The following ZNF630 variants were observed in gnomAD, a reference collection of about 807,000 sequenced individuals.
ZNF630 encodes zinc finger protein 630.
In ZNF630, 5 loss-of-function variants were observed where a neutral mutation model predicts 7.2. The observed-to-expected ratio is 0.70, with a 90% CI of 0.36 to 1.46. The LOEUF (loss-of-function observed/expected upper bound fraction) is 1.46. Among genes scored for constraint, ZNF630 ranks in the 40% most tolerant of loss-of-function variants. ZNF630 has a pLI of 0.03. For synonymous variants in ZNF630, 158 were observed against 162.8 expected (o/e 0.97, Z 0.23); for missense variants, 461 against 477.0 (o/e 0.97, Z 0.31).
chrX:48,061,730 C>T (rs1409265441), intron 2 of ZNF630: 9 of 319,926 alleles, frequency 2.8e-5, no homozygotes, highest in Middle Eastern at 9.6e-4. Context: ...GTATTATAAG[C>T]GTCTGGCATT....
In ZNF630 at chrX:48,060,912, A is replaced by G; in HGVS notation, c.49T>C (p.Phe17Leu). 8.3e-7 allele frequency: 1 copy of G among 1,205,372 alleles called. No individual in the cohort carries two copies. Among genetic ancestry groups the G allele is most frequent in the Non-Finnish European group, 1.1e-6 (1 of 891,232 alleles). Reference protein sequence around the residue: ...PVTFEDVAVDFTQEEWQQLNP... With the variant: ...PVTFEDVAVDLTQEEWQQLNP... Reference sequence around the variant, plus strand: ...AACTGCTGCCACTCTTCCTGCGTGAAGTCCACAGCCACATCCTCAAATGTC... The same window carrying G: ...AACTGCTGCCACTCTTCCTGCGTGAGGTCCACAGCCACATCCTCAAATGTC... Residue 17 changes from phenylalanine to leucine, a missense_variant, in exon 3 of 5, where the codon TTC becomes CTC. Physicochemically the swap from Phe to Leu is conservative, Grantham distance 22 (BLOSUM62 0). Coordinates refer to ENST00000276054, the MANE Select transcript of ZNF630 (RefSeq NM_001282201.2).
intron 1 of ZNF630, among the ~76,000 whole-genome samples, chrX:48,067,819 T>C (rs990536254): frequency 2.7e-5 from 3 of 110,659 alleles, no homozygotes; most frequent in Admixed American, 9.6e-5. Context: ...CCCAGCACTT[T>C]GGGAGGCTGA....
At position 48,059,090 on chromosome X, in the gene ZNF630, C is replaced by G. The variant is rs782365844; in HGVS notation, c.1352G>C (p.Arg451Thr). Residue 451 changes from arginine to threonine, a missense_variant, in exon 5 of 5, where the codon AGA becomes ACA. Coordinates refer to ENST00000276054, the MANE Select transcript of ZNF630 (RefSeq NM_001282201.2). Reference sequence around the variant, plus strand: ...ATAAGGTTTTTCTCCTGTATGAATTCTTTGATGTCCTATGAGGTGGGACTG... The same window carrying G: ...ATAAGGTTTTTCTCCTGTATGAATTGTTTGATGTCCTATGAGGTGGGACTG... ...CQQSHLIGHQ[R>T]IHTGEKPYVC... 2 of 1,206,823 alleles carry G rather than the reference C, an allele frequency of 1.7e-6. No homozygotes were observed. Among genetic ancestry groups the G allele is most frequent in the Non-Finnish European group, 2.2e-6 (2 of 892,999 alleles).
At chrX:48,064,405 T>C (rs2059120521) in intron 2 of ZNF630, among the ~76,000 whole-genome samples, 1 of 111,977 alleles carries the variant, frequency 8.9e-6, no homozygotes, top group Non-Finnish European at 1.9e-5. Context: ...TAGCAAACTA[T>C]AGCCTGCAGG....
intron 2 of ZNF630, chrX:48,061,927 G>A (rs1023634747): frequency 1.3e-5 from 2 of 155,126 alleles, no homozygotes; most frequent in Admixed American, 8.0e-5. Context: ...AGACTAATAC[G>A]ATGGTCAAGG....
Position 48,058,131 on chromosome X carries a change from G to T in ZNF630, c.*337C>A, listed in dbSNP as rs1280371270. Reference sequence around the variant, plus strand: ...AAAAAATAGAGAAAGATGACAAAGAGATACCCTTCAAATAATGCACCATGC... The same window carrying T: ...AAAAAATAGAGAAAGATGACAAAGATATACCCTTCAAATAATGCACCATGC... On this transcript the variant is annotated 3_prime_UTR_variant, in exon 5 of 5. Coordinates refer to ENST00000276054, the MANE Select transcript of ZNF630 (RefSeq NM_001282201.2). 5.6e-6 allele frequency: 1 copy of T among 179,793 alleles called. No individual in the cohort carries two copies. Among genetic ancestry groups the T allele is most frequent in the African/African-American group, 3.0e-5 (1 of 33,125 alleles). The allele number at this position is 179,793 out of a possible 1,213,427, so 14.8% of individuals were successfully genotyped here.
chrX:48,068,637 AT>A (rs369348112), intron 1 of ZNF630, among the ~76,000 whole-genome samples: 2 of 108,364 alleles, frequency 1.8e-5, no homozygotes, highest in Non-Finnish European at 1.9e-5. Context: ...TCATGGCTGT[AT>A]TTTTTTTTTA....
At position 48,058,927 on chromosome X, in the gene ZNF630, G is replaced by T. The variant is rs1556908370; in HGVS notation, c.1515C>A (p.His505Gln). 1.7e-6 allele frequency: 2 copies of T among 1,207,724 alleles called. No individual in the cohort carries two copies. The highest frequency in any genetic ancestry group is 2.2e-5 in the Admixed American group (1 of 45,858). ...SFSQKSPLIIHQRIHTGEKPY... is the reference protein window; with the variant it reads ...SFSQKSPLIIQQRIHTGEKPY... ...GTTTCTCCCCTGTATGAATTCTCTG[G>T]TGTATGATAAGAGGTGATTTCTGAG... is the stretch of plus-strand genomic sequence containing the variant. Residue 505 changes from histidine (H) to glutamine (Q), a missense_variant, in exon 5 of 5, where the codon CAC (histidine) becomes CAA (glutamine). By Grantham distance (24) the His-to-Gln change is conservative. Coordinates refer to ENST00000276054, the MANE Select transcript of ZNF630 (RefSeq NM_001282201.2).
intron 2 of ZNF630, among the ~76,000 whole-genome samples, chrX:48,063,260 C>T (rs2059115467): frequency 1.1e-5 from 1 of 92,995 alleles, no homozygotes; most frequent in African/African-American, 4.1e-5. Context: ...AAATCACTAC[C>T]TGGCCAAAAA....
At position 48,057,948 on chromosome X, in the gene ZNF630, C is replaced by T. The variant is rs953999646; in HGVS notation, c.*520G>A. Reference sequence around the variant, plus strand: ...GTGCATGCCTATAATCCCAGCTACTCGAGAGGGCGAGGCAGGACAATCGCT... The same window carrying T: ...GTGCATGCCTATAATCCCAGCTACTTGAGAGGGCGAGGCAGGACAATCGCT... On this transcript the variant is annotated 3_prime_UTR_variant, in exon 5 of 5. Coordinates refer to ENST00000276054, the MANE Select transcript of ZNF630 (RefSeq NM_001282201.2). Among the ~76,000 whole-genome samples, 6 of 110,013 alleles carry T rather than the reference C, an allele frequency of 5.5e-5. 1 individual carries two copies. Among genetic ancestry groups the T allele is most frequent in the Non-Finnish European group, 1.1e-4 (6 of 52,773 alleles).
Position 48,058,887 on chromosome X carries a change from C to T in ZNF630, c.1555G>A (p.Glu519Lys). 1 of 1,208,147 alleles carries T rather than the reference C, an allele frequency of 8.3e-7. No individual in the cohort carries two copies. Among genetic ancestry groups the T allele is most frequent in the East Asian group, 3.0e-5 (1 of 33,781 alleles). ...HTGEKPYQCG[E>K]CGKTFSQKSL... ...TTCTGGGAGAAGGTTTTGCCACATT[C>T]ACCACACTGATAAGGTTTCTCCCCT... Residue 519 changes from glutamate (E) to lysine (K), a missense_variant, in exon 5 of 5, where the codon GAA (glutamate) becomes AAA (lysine). Coordinates refer to ENST00000276054, the MANE Select transcript of ZNF630 (RefSeq NM_001282201.2).
At chrX:48,065,597 C>A (rs1215867709) in intron 2 of ZNF630, among the ~76,000 whole-genome samples, 1 of 107,453 alleles carries the variant, frequency 9.3e-6, no homozygotes, top group Admixed American at 1.0e-4. Flanking sequence ...GCAGGAGAAT[C>A]GCTTGAACCT....
Position 48,059,099 on chromosome X carries a change from C to T in ZNF630, c.1343G>A (p.Gly448Glu), listed in dbSNP as rs144809950. 1.7e-6 allele frequency: 2 copies of T among 1,208,129 alleles called. No homozygotes were observed. Among genetic ancestry groups the T allele is most frequent in the Non-Finnish European group, 2.2e-6 (2 of 893,152 alleles). ...KTFCQQSHLI[G>E]HQRIHTGEKP... ...TTCTCCTGTATGAATTCTTTGATGT[C>T]CTATGAGGTGGGACTGTTGGCAGAA... Residue 448 changes from glycine to glutamate, a missense_variant, in exon 5 of 5, where the codon GGA (glycine) becomes GAA (glutamate). Gly to Glu is a moderately conservative substitution (Grantham distance 98, BLOSUM62 -2). Transcript: ENST00000276054.
At chrX:48,066,338 A>C (rs1328270882) in intron 2 of ZNF630, 1 of 105,587 alleles carries the variant, frequency 9.5e-6, no homozygotes, top group Non-Finnish European at 2.0e-5. Context: ...AAAAAAAAAA[A>C]CGACTAAAAT....
At chrX:48,060,376 A>T (rs1603235445) in intron 4 of ZNF630, 74 bp downstream of exon 4, 2 of 1,065,105 alleles carry the variant, frequency 1.9e-6, no homozygotes, top group Non-Finnish European at 2.5e-6. Flanking sequence ...TAAGGAAGAA[A>T]AAAGGTAACG....
At chrX:48,060,654 A>C (rs1603235552) in intron 3 of ZNF630, 109 bp from the exon 4 acceptor site, 1 of 903,945 alleles carries the variant, frequency 1.1e-6, no homozygotes, top group Admixed American at 3.6e-5. Flanking sequence ...TCACACCATA[A>C]CATAAAAATA....
intron 2 of ZNF630, chrX:48,061,734 T>C (rs1556909216): frequency 9.3e-6 from 3 of 320,977 alleles, no homozygotes; most frequent in South Asian, 2.7e-5. Context: ...TATAAGCGTC[T>C]GGCATTTCCC....
chrX:48,070,741 T>C (rs1556910936), intron 1 of ZNF630, among the ~76,000 whole-genome samples: 2 of 108,155 alleles, frequency 1.8e-5, no homozygotes, highest in African/African-American at 6.8e-5. Context: ...TATAAGAAAA[T>C]GTGCTCAAAC....
chrX:48,060,208 A>G lies in ZNF630; in HGVS notation c.239-5T>C. Reference sequence around the variant, plus strand: ...ATTCAAGGCCTTTCACTCTGTCTGAAGGAAGAAGAAAGAGGGAAAATCAAA... The same window carrying G: ...ATTCAAGGCCTTTCACTCTGTCTGAGGGAAGAAGAAAGAGGGAAAATCAAA... On this transcript the variant is annotated splice_region_variant and splice_polypyrimidine_tract_variant and intron_variant, in intron 4 of 4. Coordinates refer to ENST00000276054, the MANE Select transcript of ZNF630 (RefSeq NM_001282201.2). The G allele has an allele frequency of 1.8e-6, 2 of 1,107,723 alleles. No homozygotes were observed. Among genetic ancestry groups the G allele is most frequent in the South Asian group, 2.2e-5 (1 of 45,665 alleles). 91.3% of individuals were successfully genotyped at this position (1,107,723 alleles called of 1,213,427 possible). A position where few individuals can be genotyped will look rare whatever the true frequency, so the allele number is the denominator to read the frequency against.
Sources: gnomAD v4.1 joint callset for allele counts (sites outside exome capture counted in the v4.1 genomes callset) on GRCh38, gnomAD v4.1.1 for gene constraint, MANE v1.5 for transcripts, NCBI Gene and HGNC (gene_info 2026-07-23, HGNC 2026-07-21) for gene names.